The following TBL1XR1 variants were observed in gnomAD, a reference collection of about 807,000 sequenced individuals.
TBL1XR1 encodes F-box-like/WD repeat-containing protein TBL1XR1.
In TBL1XR1, 5 loss-of-function variants were observed where a neutral mutation model predicts 66.9. The observed-to-expected ratio is 0.07, with a 90% CI of 0.04 to 0.16. The LOEUF is 0.16. TBL1XR1 is among the 10% of genes least tolerant of loss of function. The probability of loss-of-function intolerance (pLI) is 1.00; values close to 1 mark genes in which losing one functional copy is unlikely to be tolerated. For synonymous variants in TBL1XR1, 210 were observed against 206.0 expected, an observed-to-expected ratio of 1.02 and a Z score of -0.17; for missense variants, 238 against 623.2, an observed-to-expected ratio of 0.38 and a Z score of 6.58.
In TBL1XR1 at chr3:177,023,320, T is replaced by C. The variant is rs1479956303; in HGVS notation, c.*2178A>G. 2 of 152,514 alleles carry C rather than the reference T, an allele frequency of 1.3e-5. No individual in the cohort carries two copies. The highest frequency in any genetic ancestry group is 2.4e-5 in the African/African-American group (1 of 41,424). The allele number at this position is 152,514 out of a possible 1,614,324, so 9.4% of individuals were successfully genotyped here. ...GCACATTTTAAAATTATTGCACAGATTTTTTTAATTTTTATTTATTTTTTT... is the reference window on the plus strand; with the variant it reads ...GCACATTTTAAAATTATTGCACAGACTTTTTTAATTTTTATTTATTTTTTT... On this transcript the variant is annotated 3_prime_UTR_variant, in exon 16 of 16. Transcript: ENST00000457928.
intron 2 of TBL1XR1, among the ~76,000 whole-genome samples, chr3:177,079,137 C>CA (rs879342924): frequency 1.3e-5 from 2 of 148,454 alleles, no homozygotes; most frequent in African/African-American, 2.5e-5. Flanking sequence ...CGGTATTTCA[C>CA]AAAAAAAATG....
At chr3:177,195,186 G>A (rs1736673762) in intron 1 of TBL1XR1, among the ~76,000 whole-genome samples, 1 of 151,666 alleles carries the variant, frequency 6.6e-6, no homozygotes, top group South Asian at 2.1e-4. Context: ...CTCAGTGCAG[G>A]ATAGGGTTGA....
chr3:177,076,542 A>ATTCATTACGAATTGAATT (rs1229304499), intron 2 of TBL1XR1, among the ~76,000 whole-genome samples: 2 of 152,188 alleles, frequency 1.3e-5, no homozygotes, highest in Non-Finnish European at 2.9e-5. Context: ...ATTTAGGAGG[A>ATTCATTACGAATTGAATT]TACAATTCAA....
intron 9 of TBL1XR1, among the ~76,000 whole-genome samples, 164 bp downstream of exon 9, chr3:177,047,136 T>C (rs573343237): frequency 1.9e-4 from 29 of 152,318 alleles, no homozygotes; most frequent in African/African-American, 6.3e-4. Flanking sequence ...TTTTGGTAAG[T>C]AGATTCAGAA....
At chr3:177,096,075 C>A (rs1723441315) in intron 2 of TBL1XR1, among the ~76,000 whole-genome samples, 1 of 152,080 alleles carries the variant, frequency 6.6e-6, no homozygotes. Flanking sequence ...GTAGAGGTAA[C>A]TGTATATAAT....
chr3:177,066,240 G>A (rs1270091625), intron 2 of TBL1XR1, among the ~76,000 whole-genome samples: 2 of 152,038 alleles, frequency 1.3e-5, no homozygotes, highest in Non-Finnish European at 2.9e-5. Flanking sequence ...AGGACAAAGT[G>A]GTGACTAAGT....
intron 6 of TBL1XR1, 82 bp downstream of exon 6, chr3:177,050,396 G>A: frequency 6.6e-7 from 1 of 1,506,860 alleles, no homozygotes; most frequent in Non-Finnish European, 8.9e-7. Flanking sequence ...AGCAACAACA[G>A]AAAACCTGAA....
chr3:177,124,335 G>A (rs187486731), intron 1 of TBL1XR1, among the ~76,000 whole-genome samples: 1 of 152,038 alleles, frequency 6.6e-6, no homozygotes, highest in Non-Finnish European at 1.5e-5. Flanking sequence ...CCAGAACTCT[G>A]TCAACAACCT....
chr3:177,149,671 A>G (rs1730655541), intron 1 of TBL1XR1, among the ~76,000 whole-genome samples: 1 of 152,132 alleles, frequency 6.6e-6, no homozygotes. Context: ...CTGCTTTCGT[A>G]TGGCCCATAA....
chr3:177,170,048 G>C (rs996855142), intron 1 of TBL1XR1, among the ~76,000 whole-genome samples: 3 of 152,154 alleles, frequency 2.0e-5, no homozygotes, highest in Non-Finnish European at 2.9e-5. Context: ...ACACAAATCT[G>C]AGAACCACTA....
At chr3:177,190,223 G>A (rs938110390) in intron 1 of TBL1XR1, among the ~76,000 whole-genome samples, 4 of 147,574 alleles carry the variant, frequency 2.7e-5, no homozygotes, top group Non-Finnish European at 5.9e-5. Context: ...ACCAGATAAA[G>A]TCAACTTACT....
At chr3:177,109,441 G>C (rs73187542) in intron 1 of TBL1XR1, among the ~76,000 whole-genome samples, 10,413 of 152,108 alleles carry the variant, frequency 0.068, 519 homozygotes, top group Admixed American at 0.17. Context: ...TTGTATTTTG[G>C]GATGATTGTA....
Position 177,186,374 on chromosome 3 carries a change from A to G in TBL1XR1, c.-122+10747T>C, listed in dbSNP as rs140628182. On this transcript the variant is annotated intron_variant, in intron 1 of 15. Coordinates refer to ENST00000457928, the MANE Select transcript of TBL1XR1 (RefSeq NM_024665.7). ...TCGTATCCTAAAATCCTTATTTTTT[A>G]TAAGTTCTGCCCCATAAAAAGGTAA... is the stretch of plus-strand genomic sequence containing the variant. Among the ~76,000 whole-genome samples, 1,241 of 152,332 alleles carry G rather than the reference A, an allele frequency of 8.1e-3. 22 individuals are homozygous for G. Among genetic ancestry groups the G allele is most frequent in the African/African-American group, 0.028 (1,167 of 41,570 alleles).
intron 1 of TBL1XR1, among the ~76,000 whole-genome samples, chr3:177,160,413 G>A (rs1732044149): frequency 6.6e-6 from 1 of 151,402 alleles, no homozygotes; most frequent in East Asian, 1.9e-4. Flanking sequence ...GACTGAGCTT[G>A]CAGTGAGCCA....
intron 1 of TBL1XR1, among the ~76,000 whole-genome samples, chr3:177,180,838 G>C (rs1478956631): frequency 6.6e-6 from 1 of 151,960 alleles, no homozygotes; most frequent in Non-Finnish European, 1.5e-5. Flanking sequence ...CTGGGTTCAA[G>C]GGATTCTCCT....
chr3:177,042,575 A>G (rs1397474548), intron 10 of TBL1XR1, among the ~76,000 whole-genome samples: 1 of 152,206 alleles, frequency 6.6e-6, no homozygotes, highest in African/African-American at 2.4e-5. Context: ...GTAATCAAAG[A>G]ACACATACCT....
At chr3:177,161,904 A>T (rs1732257264) in intron 1 of TBL1XR1, among the ~76,000 whole-genome samples, 2 of 152,194 alleles carry the variant, frequency 1.3e-5, no homozygotes, top group African/African-American at 4.8e-5. Flanking sequence ...AACCACAATG[A>T]GACACCACAC....
intron 1 of TBL1XR1, among the ~76,000 whole-genome samples, chr3:177,137,369 G>A (rs1026595863): frequency 4.6e-5 from 7 of 152,178 alleles, no homozygotes; most frequent in Admixed American, 1.3e-4. Context: ...GTGTGTGCCT[G>A]TAGTCCCGGT....
intron 1 of TBL1XR1, among the ~76,000 whole-genome samples, chr3:177,107,002 T>G (rs1181606399): frequency 6.6e-6 from 1 of 152,152 alleles, no homozygotes; most frequent in Non-Finnish European, 1.5e-5. Flanking sequence ...TAGCATAACC[T>G]CACAGTGATA....
Sources: gnomAD v4.1 joint callset for allele counts (sites outside exome capture counted in the v4.1 genomes callset) on GRCh38, gnomAD v4.1.1 for gene constraint, MANE v1.5 for transcripts, NCBI Gene and HGNC (gene_info 2026-07-23, HGNC 2026-07-21) for gene names.